Variants in RBBP7 observed in about 807,000 individuals in gnomAD.
The protein encoded by RBBP7 is histone-binding protein RBBP7.
A neutral mutation model predicts 35.2 loss-of-function variants in RBBP7; 5 were observed. The observed-to-expected ratio is 0.14, with a 90% CI of 0.07 to 0.30. The LOEUF is 0.30. Among genes scored for constraint, RBBP7 ranks in the 10% least tolerant of loss-of-function variants. The pLI, the probability that RBBP7 is intolerant of heterozygous loss-of-function variation, is 1.00. For synonymous variants in RBBP7, 140 were observed against 118.7 expected, an observed-to-expected ratio of 1.18 and a Z score of -1.17; for missense variants, 155 against 327.5, an observed-to-expected ratio of 0.47 and a Z score of 4.07.
chrX:16,868,458 G>T (rs2127514), intron 2 of RBBP7, among the ~76,000 whole-genome samples: 50,895 of 110,891 alleles, frequency 0.46, 8,751 homozygotes, highest in East Asian at 0.85. Context: ...ACAACAGGAC[G>T]TAGATTCTTC....
chrX:16,852,703 G>A, intron 7 of RBBP7, 46 bp downstream of exon 7: 1 of 1,211,221 alleles, frequency 8.3e-7, no homozygotes, highest in South Asian at 1.8e-5. Flanking sequence ...TAAGGCACAA[G>A]AGAACTGGGT....
At chrX:16,859,013 T>C (rs987709961) in intron 3 of RBBP7, among the ~76,000 whole-genome samples, 164 bp from the exon 4 acceptor site, 2 of 112,251 alleles carry the variant, frequency 1.8e-5, no homozygotes, top group African/African-American at 6.5e-5. Flanking sequence ...GTGGGTTCAT[T>C]TGCCACATCA....
intron 10 of RBBP7, chrX:16,848,968 C>A (rs1465430389): frequency 8.0e-6 from 2 of 249,362 alleles, no homozygotes; most frequent in Non-Finnish European, 1.4e-5. Context: ...ATCCCCAAAC[C>A]ATCACAAATA....
chrX:16,866,240 T>A (rs920399364), intron 2 of RBBP7, among the ~76,000 whole-genome samples: 2 of 110,959 alleles, frequency 1.8e-5, no homozygotes, highest in Non-Finnish European at 3.8e-5. Flanking sequence ...GATACTTAAA[T>A]AAAACCTTTT....
In RBBP7 at chrX:16,869,231, G is replaced by T; in HGVS notation, c.17-11C>A. The T allele has an allele frequency of 8.3e-7, 1 of 1,201,397 alleles. No individual in the cohort carries two copies. Among genetic ancestry groups the T allele is most frequent in the Non-Finnish European group, 1.1e-6 (1 of 891,415 alleles). On this transcript the variant is annotated splice_polypyrimidine_tract_variant and intron_variant, in intron 1 of 11. Transcript: ENST00000380087. Reference sequence around the variant, plus strand: ...CAGTATCTTCAAACACTGAAATTTGGAGAAAGCCCACACGATTAAGTGGCT... The same window carrying T: ...CAGTATCTTCAAACACTGAAATTTGTAGAAAGCCCACACGATTAAGTGGCT...
In RBBP7 at chrX:16,857,815, C is replaced by T. The variant is rs776073741; in HGVS notation, c.482-106G>A. 185 of 1,060,149 alleles carry T rather than the reference C, an allele frequency of 1.7e-4. 2 individuals carry two copies. In the South Asian group the frequency reaches 2.0e-3, roughly 12 times the overall value. The allele number at this position is 1,060,149 out of a possible 1,213,427, so 87.4% of individuals were successfully genotyped here. ...AACCATTACAGCAACTGCACACGAA[C>T]GAGATCTGGTCTTTAATACCCAATG... On this transcript the variant is annotated intron_variant, in intron 4 of 11. Coordinates refer to ENST00000380087, the MANE Select transcript of RBBP7 (RefSeq NM_002893.4).
chrX:16,862,843 T>A (rs999735126), intron 3 of RBBP7, 112 bp downstream of exon 3: 2 of 873,253 alleles, frequency 2.3e-6, no homozygotes, highest in African/African-American at 4.0e-5. Context: ...TAGAATAAAG[T>A]CCTAGAAGTT....
intron 5 of RBBP7, among the ~76,000 whole-genome samples, chrX:16,856,256 G>A (rs768243431): frequency 2.7e-5 from 3 of 110,924 alleles, no homozygotes; most frequent in East Asian, 5.7e-4. Context: ...TGAGCTGGGC[G>A]TAGTGACTCA....
At chrX:16,867,841 GTT>G (rs746976479) in intron 2 of RBBP7, among the ~76,000 whole-genome samples, 1 of 95,482 alleles carries the variant, frequency 1.0e-5, no homozygotes. Flanking sequence ...GCCACGCCCG[GTT>G]TTTTTTTTTT....
At chrX:16,856,871 A>G (rs1930366455) in intron 5 of RBBP7, among the ~76,000 whole-genome samples, 1 of 112,245 alleles carries the variant, frequency 8.9e-6, no homozygotes, top group South Asian at 3.6e-4. Context: ...TGCTTGTAAC[A>G]TAATTCAAAA....
chrX:16,848,349 T>G (rs1332276514), intron 10 of RBBP7: 1 of 111,854 alleles, frequency 8.9e-6, no homozygotes, highest in African/African-American at 3.3e-5. Flanking sequence ...GTGAACTGTG[T>G]GGTATGTAAA....
intron 2 of RBBP7, among the ~76,000 whole-genome samples, chrX:16,866,752 G>C (rs768194691): frequency 3.6e-5 from 4 of 109,783 alleles, no homozygotes; most frequent in Admixed American, 9.8e-5. Flanking sequence ...ATTGAGAATA[G>C]TCAACATTTT....
intron 2 of RBBP7, among the ~76,000 whole-genome samples, chrX:16,863,582 CA>C (rs1441338774): frequency 2.7e-5 from 3 of 112,048 alleles, no homozygotes; most frequent in Non-Finnish European, 5.6e-5. Context: ...AGTGTTGAAT[CA>C]AAAAAACTTA....
Position 16,869,782 on chromosome X carries a change from G to C in RBBP7, c.16+256C>G, listed in dbSNP as rs1370416376. On this transcript the variant is annotated intron_variant, in intron 1 of 11. Transcript: ENST00000380087. ...GCCCCGGGGCCGAGGGCGCCGGAGG[G>C]AGCGCAGCCGCTGGAGGAGGGAAGG... 26 of 938,411 alleles carry C rather than the reference G, an allele frequency of 2.8e-5. No homozygotes were observed. In the African/African-American group the frequency reaches 5.5e-4, roughly 20 times the overall value. 77.3% of individuals were successfully genotyped at this position (938,411 alleles called of 1,213,427 possible).
intron 11 of RBBP7, among the ~76,000 whole-genome samples, chrX:16,845,328 A>G (rs761095061): frequency 1.8e-5 from 2 of 112,426 alleles, no homozygotes; most frequent in Non-Finnish European, 3.8e-5. Context: ...ACTTATTTCA[A>G]TCACTGTTCA....
At chrX:16,862,065 C>G (rs889876929) in intron 3 of RBBP7, among the ~76,000 whole-genome samples, 1 of 111,562 alleles carries the variant, frequency 9.0e-6, no homozygotes, top group Admixed American at 9.5e-5. Flanking sequence ...AAGCCTCAGA[C>G]CCCAAGACCC....
At chrX:16,869,941 G>C in intron 1 of RBBP7, 97 bp downstream of exon 1, 1 of 752,607 alleles carries the variant, frequency 1.3e-6, no homozygotes, top group Non-Finnish European at 1.6e-6. Flanking sequence ...CCCCTGCTCC[G>C]CACGCCAATT....
At chrX:16,869,697 C>A (rs1424588459) in intron 1 of RBBP7, 1 of 971,393 alleles carries the variant, frequency 1.0e-6, no homozygotes, top group Admixed American at 5.3e-5. Flanking sequence ...AGGCGGTCAA[C>A]GCGCGCGCGC....
At position 16,869,134 on chromosome X, in the gene RBBP7, T is replaced by A; in HGVS notation, c.103A>T (p.Met35Leu). 8.3e-7 allele frequency: 1 copy of A among 1,211,261 alleles called. No individual in the cohort carries two copies. Among genetic ancestry groups the A allele is most frequent in the Non-Finnish European group, 1.1e-6 (1 of 894,795 alleles). The change falls in exon 2 of 12, where the codon ATG (methionine) becomes TTG (leucine). Residue 35 changes from methionine to leucine, a missense_variant. By Grantham distance (15) the Met-to-Leu change is conservative. Around this residue, in one of 3 missense-constraint regions of RBBP7, gnomAD observed 59 missense variants for 90.4 expected, o/e 0.65. Coordinates refer to ENST00000380087, the MANE Select transcript of RBBP7 (RefSeq NM_002893.4). ...KNTPFLYDLV[M>L]THALQWPSLT... is the part of the protein sequence containing the mutation. ...CTGGGCCACTGAAGAGCATGGGTCATAACCAGGTCATATAGAAACGGTGTA... is the reference window on the plus strand; with the variant it reads ...CTGGGCCACTGAAGAGCATGGGTCAAAACCAGGTCATATAGAAACGGTGTA...
Sources: gnomAD v4.1 joint callset for allele counts (sites outside exome capture counted in the v4.1 genomes callset) on GRCh38, gnomAD v4.1.1 for gene constraint, gnomAD v4.1.1 regional missense constraint, MANE v1.5 for transcripts, NCBI Gene and HGNC (gene_info 2026-07-23, HGNC 2026-07-21) for gene names.